The following AR variants were observed in gnomAD, a reference collection of about 807,000 sequenced individuals.
AR encodes dihydrotestosterone receptor.
A neutral mutation model predicts 53.9 loss-of-function variants in AR; 8 were observed. That is an observed-to-expected ratio of 0.15 (90% CI 0.09 to 0.27). AR has a LOEUF of 0.27. Ranked by LOEUF, AR falls within the 10% of genes least tolerant of loss-of-function variation. AR has a pLI of 1.00. For missense variants in AR, 639 were observed against 742.5 expected, an observed-to-expected ratio of 0.86 and a Z score of 1.62; for synonymous variants, 359 against 316.4, an observed-to-expected ratio of 1.13 and a Z score of -1.43.
At chrX:67,609,590 A>T (rs749362505) in intron 1 of AR, among the ~76,000 whole-genome samples, 1 of 111,158 alleles carries the variant, frequency 9.0e-6, no homozygotes, top group African/African-American at 3.3e-5. Flanking sequence ...CTAAGAAAAG[A>T]CAAAGGTGAT....
At chrX:67,626,169 T>C (rs1285248365) in intron 1 of AR, among the ~76,000 whole-genome samples, 1 of 111,069 alleles carries the variant, frequency 9.0e-6, no homozygotes, top group Non-Finnish European at 1.9e-5. Context: ...TTATTCATTC[T>C]ATCTAACTAT....
chrX:67,633,636 G>A (rs1925278013), intron 1 of AR, among the ~76,000 whole-genome samples: 1 of 111,849 alleles, frequency 8.9e-6, no homozygotes. Context: ...AAGAGTGGAC[G>A]ACAAATGTCT....
intron 1 of AR, among the ~76,000 whole-genome samples, chrX:67,608,054 A>G (rs1923711835): frequency 8.9e-6 from 1 of 112,213 alleles, no homozygotes; most frequent in Non-Finnish European, 1.9e-5. Flanking sequence ...GATGCCCAGC[A>G]GAGCCGTAGA....
chrX:67,672,889 C>T (rs779010816), intron 2 of AR, among the ~76,000 whole-genome samples: 1 of 111,553 alleles, frequency 9.0e-6, no homozygotes, highest in African/African-American at 3.3e-5. Flanking sequence ...CACTAACATC[C>T]TATTCTTTCA....
At chrX:67,669,247 T>A (rs1291128084) in intron 2 of AR, among the ~76,000 whole-genome samples, 3 of 111,532 alleles carry the variant, frequency 2.7e-5, no homozygotes, top group African/African-American at 9.7e-5. Flanking sequence ...TTAGTATGTT[T>A]CCAATTTGGT....
At chrX:67,695,936 T>C (rs1027982485) in intron 3 of AR, 27 of 751,644 alleles carry the variant, frequency 3.6e-5, no homozygotes, top group African/African-American at 4.7e-5. Context: ...CAGGGCAGAA[T>C]TTTAATCTCC....
chrX:67,635,791 G>C (rs1241419182), intron 1 of AR, among the ~76,000 whole-genome samples: 1 of 111,300 alleles, frequency 9.0e-6, no homozygotes, highest in Non-Finnish European at 1.9e-5. Flanking sequence ...TTTTGCTTCA[G>C]ATTCATAAAA....
In AR at chrX:67,729,233, G is replaced by T. The variant is rs1437357213; in HGVS notation, c.*5392G>T. The T allele has an allele frequency of 5.7e-6, 1 of 174,406 alleles. No individual in the cohort carries two copies. The highest frequency in any genetic ancestry group is 1.1e-5 in the Non-Finnish European group (1 of 91,395). 14.4% of individuals were successfully genotyped at this position (174,406 alleles called of 1,213,427 possible). A position where few individuals can be genotyped will look rare whatever the true frequency, so the allele number is the denominator to read the frequency against. On this transcript the variant is annotated 3_prime_UTR_variant, in exon 8 of 8. Coordinates refer to ENST00000374690, the MANE Select transcript of AR (RefSeq NM_000044.6). Reference sequence around the variant, plus strand: ...GTTAAAACTTGTCAGAGTACTAGAAGTTGTATCTCTGTAGGTGCAGGTCCA... The same window carrying T: ...GTTAAAACTTGTCAGAGTACTAGAATTTGTATCTCTGTAGGTGCAGGTCCA...
chrX:67,619,323 C>T (rs1924261437), intron 1 of AR, among the ~76,000 whole-genome samples: 1 of 109,894 alleles, frequency 9.1e-6, no homozygotes, highest in Non-Finnish European at 1.9e-5. Flanking sequence ...GATTCTCTCT[C>T]TCTCTCTCTG....
intron 3 of AR, among the ~76,000 whole-genome samples, chrX:67,706,800 C>T (rs1370705405): frequency 9.0e-6 from 1 of 111,724 alleles, no homozygotes; most frequent in Admixed American, 9.5e-5. Flanking sequence ...TATAAATTTC[C>T]CTCTACACAC....
chrX:67,679,581 T>C (rs988018249), intron 2 of AR, among the ~76,000 whole-genome samples: 1 of 111,961 alleles, frequency 8.9e-6, no homozygotes, highest in African/African-American at 3.2e-5. Context: ...AATTTCTCTC[T>C]AAAGTATTTT....
chrX:67,714,565 C>T (rs1337865633), intron 4 of AR, among the ~76,000 whole-genome samples: 1 of 110,914 alleles, frequency 9.0e-6, no homozygotes, highest in Non-Finnish European at 1.9e-5. Flanking sequence ...CCAGACTAGA[C>T]AGGAGACTAC....
chrX:67,602,970 C>A (rs1327403158), intron 1 of AR, among the ~76,000 whole-genome samples: 1 of 111,630 alleles, frequency 9.0e-6, no homozygotes, highest in Non-Finnish European at 1.9e-5. Context: ...ATTTATACTG[C>A]TGTGAAGTTG....
intron 3 of AR, among the ~76,000 whole-genome samples, chrX:67,688,712 T>G (rs189527198): frequency 8.9e-6 from 1 of 111,931 alleles, no homozygotes; most frequent in African/African-American, 3.2e-5. Flanking sequence ...TTGTTTACCT[T>G]CTTAAATCAC....
intron 1 of AR, among the ~76,000 whole-genome samples, chrX:67,600,524 A>C (rs1335618677): frequency 9.0e-6 from 1 of 111,214 alleles, no homozygotes; most frequent in East Asian, 2.8e-4. Flanking sequence ...AGAAAGTAGA[A>C]GGATGGTAAC....
At chrX:67,603,176 A>T (rs770099950) in intron 1 of AR, among the ~76,000 whole-genome samples, 1 of 111,830 alleles carries the variant, frequency 8.9e-6, no homozygotes, top group Admixed American at 9.5e-5. Context: ...TATGCCTGTT[A>T]TTCTACTGTG....
chrX:67,618,976 A>G (rs1021887388), intron 1 of AR, among the ~76,000 whole-genome samples: 3 of 111,974 alleles, frequency 2.7e-5, no homozygotes, highest in Admixed American at 9.5e-5. Flanking sequence ...TTGAATTTGC[A>G]TGCTGTAAGC....
chrX:67,722,928 A>G lies in AR; in HGVS notation c.2551A>G (p.Thr851Ala), dbSNP rs1270843359. The G allele has an allele frequency of 8.3e-7, 1 of 1,211,327 alleles. No homozygotes were observed. The highest frequency in any genetic ancestry group is 3.0e-5 in the East Asian group (1 of 33,808). The change falls in exon 7 of 8, where the codon ACA becomes GCA. Residue 851 changes from threonine to alanine, a missense_variant. By Grantham distance (58) the Thr-to-Ala change is moderately conservative. Transcript: ENST00000374690. ...RIIACKRKNP[T>A]SCSRRFYQLT... ...CATTGCATGCAAAAGAAAAAATCCC[A>G]CATCCTGCTCAAGACGCTTCTACCA...
chrX:67,659,301 T>G (rs765801983), intron 2 of AR, among the ~76,000 whole-genome samples: 1 of 110,574 alleles, frequency 9.0e-6, no homozygotes, highest in South Asian at 4.0e-4. Flanking sequence ...TGTGCCATGT[T>G]GGTGTGCTGC....
Sources: gnomAD v4.1 joint callset for allele counts (sites outside exome capture counted in the v4.1 genomes callset) on GRCh38, gnomAD v4.1.1 for gene constraint, MANE v1.5 for transcripts, NCBI Gene and HGNC (gene_info 2026-07-23, HGNC 2026-07-21) for gene names.